Variants in THEMIS observed in about 807,000 individuals in gnomAD.
THEMIS encodes the protein thymocyte selection associated, also known as protein THEMIS.
A neutral mutation model predicts 52.6 loss-of-function variants in THEMIS; 37 were observed. That is an observed-to-expected ratio of 0.70 (90% CI 0.54 to 0.93). The LOEUF is 0.93. THEMIS is among the 40% of genes least tolerant of loss of function. The pLI is 0.00. For synonymous variants in THEMIS, 292 were observed against 272.7 expected (o/e 1.07, Z -0.70); for missense variants, 808 against 763.1 (o/e 1.06, Z -0.69).
At chr6:127,699,364 ATT>A in the THEMIS span, among the ~76,000 whole-genome samples, 1 of 151,248 alleles carries the variant, frequency 6.6e-6, no homozygotes, top group East Asian at 1.9e-4. Flanking sequence ...ACATTATTTA[ATT>A]AAGTAACATC....
At chr6:127,883,986 G>T (rs9375538) in intron 1 of THEMIS, among the ~76,000 whole-genome samples, 1 of 151,942 alleles carries the variant, frequency 6.6e-6, no homozygotes, top group East Asian at 1.9e-4. Context: ...CACACTGCCC[G>T]GTCCATAGCA....
At chr6:127,728,041 C>T (rs1162239306) in intron 4 of THEMIS, among the ~76,000 whole-genome samples, 2 of 152,162 alleles carry the variant, frequency 1.3e-5, no homozygotes, top group Non-Finnish European at 2.9e-5. Context: ...CCATTTTGCT[C>T]AGAATGGCCT....
chr6:127,900,976 T>C lies in THEMIS; in HGVS notation c.-44A>G. 6.6e-7 allele frequency: 1 copy of C among 1,516,390 alleles called. No homozygotes were observed. The allele number at this position is 1,516,390 out of a possible 1,614,324, so 93.9% of individuals were successfully genotyped here. ...TTGTAGACCTGGTGCTCACAGAAAC[T>C]TGTGGCTTCTGGGTGACACTTGTCT... is the stretch of plus-strand genomic sequence containing the variant. On this transcript the variant is annotated 5_prime_UTR_variant, in exon 1 of 6. Coordinates refer to ENST00000368248, the MANE Select transcript of THEMIS (RefSeq NM_001010923.3).
intron 4 of THEMIS, among the ~76,000 whole-genome samples, chr6:127,749,506 T>C (rs1583230189): frequency 1.3e-5 from 2 of 152,124 alleles, no homozygotes; most frequent in African/African-American, 4.8e-5. Context: ...ACATTTTCAT[T>C]TCTCCTTTAC....
At chr6:127,801,742 T>A (rs1256891091) in intron 4 of THEMIS, among the ~76,000 whole-genome samples, 1 of 152,078 alleles carries the variant, frequency 6.6e-6, no homozygotes, top group Non-Finnish European at 1.5e-5. Flanking sequence ...CCAGGCAAGA[T>A]AATGTTGATT....
chr6:127,871,230 A>T (rs568557326), intron 1 of THEMIS, among the ~76,000 whole-genome samples: 2 of 152,192 alleles, frequency 1.3e-5, no homozygotes, highest in South Asian at 2.1e-4. Flanking sequence ...CAAATAATCC[A>T]TGAGGCAAAA....
chr6:127,891,984 C>A (rs1309492620), intron 1 of THEMIS, among the ~76,000 whole-genome samples: 2 of 152,196 alleles, frequency 1.3e-5, no homozygotes, highest in African/African-American at 4.8e-5. Context: ...GAACCTAGAT[C>A]TTTCCTTGGC....
At chr6:127,718,115 G>T (rs1451101774) in intron 5 of THEMIS, among the ~76,000 whole-genome samples, 1 of 151,412 alleles carries the variant, frequency 6.6e-6, no homozygotes, top group Non-Finnish European at 1.5e-5. Flanking sequence ...TTATATTTTT[G>T]CTCTACTTTT....
chr6:127,820,178 G>T (rs1778289023), intron 3 of THEMIS, among the ~76,000 whole-genome samples: 1 of 152,004 alleles, frequency 6.6e-6, no homozygotes, highest in Non-Finnish European at 1.5e-5. Context: ...TAAGAGAAAA[G>T]AGAAAGTGGA....
chr6:127,854,141 G>C (rs1779521378), intron 2 of THEMIS, among the ~76,000 whole-genome samples: 1 of 151,750 alleles, frequency 6.6e-6, no homozygotes, highest in Non-Finnish European at 1.5e-5. Context: ...CATATTTTAT[G>C]TCAAGGAGTT....
In THEMIS at chr6:127,758,514, T is replaced by A. The variant is rs75224818; in HGVS notation, c.1759-38691A>T. 3.8e-3 allele frequency among the ~76,000 whole-genome samples: 569 copies of A among 149,908 alleles called. 22 individuals carry two copies. In the East Asian group the frequency reaches 0.08, roughly 21 times the overall value. Reference sequence around the variant, plus strand: ...ATGCCTCATAGGTGCCCAATACATATTTCTTGAATGAAATATGTCTTGAAT... The same window carrying A: ...ATGCCTCATAGGTGCCCAATACATAATTCTTGAATGAAATATGTCTTGAAT... On this transcript the variant is annotated intron_variant, in intron 4 of 5. Transcript: ENST00000368248.
At chr6:127,895,951 C>A (rs761060782) in intron 1 of THEMIS, among the ~76,000 whole-genome samples, 1 of 150,908 alleles carries the variant, frequency 6.6e-6, no homozygotes, top group African/African-American at 2.4e-5. Flanking sequence ...AAAAGAGATA[C>A]AAACATTCTA....
At chr6:127,868,056 C>T (rs1464951314) in intron 1 of THEMIS, among the ~76,000 whole-genome samples, 1 of 152,022 alleles carries the variant, frequency 6.6e-6, no homozygotes, top group Non-Finnish European at 1.5e-5. Flanking sequence ...AGATTTGTGA[C>T]CTCAGGTAAT....
At chr6:127,903,891 G>A (rs1298152920), upstream of THEMIS, among the ~76,000 whole-genome samples, 6 of 152,050 alleles carry the variant, frequency 3.9e-5, no homozygotes, top group Non-Finnish European at 1.5e-5. Flanking sequence ...ACCTAGAAGA[G>A]CTGTATACTT....
intron 1 of THEMIS, among the ~76,000 whole-genome samples, chr6:127,907,252 G>A (rs560351206): frequency 1.4e-5 from 2 of 147,408 alleles, no homozygotes; most frequent in African/African-American, 2.5e-5. Context: ...TTATTGGTTC[G>A]TCATTGAAAG....
intron 1 of THEMIS, among the ~76,000 whole-genome samples, chr6:127,878,267 C>G (rs1328532355): frequency 2.6e-5 from 4 of 152,138 alleles, no homozygotes; most frequent in African/African-American, 9.7e-5. Context: ...AGCTCAGCAG[C>G]TGATTCAAAA....
chr6:127,878,306 G>T (rs917216510), intron 1 of THEMIS, among the ~76,000 whole-genome samples: 5 of 152,278 alleles, frequency 3.3e-5, no homozygotes, highest in African/African-American at 1.2e-4. Flanking sequence ...CTAACTAGAA[G>T]GGTAGCTGAA....
intron 4 of THEMIS, among the ~76,000 whole-genome samples, chr6:127,773,543 A>G (rs1398239802): frequency 6.6e-6 from 1 of 152,210 alleles, no homozygotes; most frequent in Non-Finnish European, 1.5e-5. Context: ...GATTTTAAAA[A>G]TATATTTTCA....
chr6:127,701,534 A>G, the THEMIS span, among the ~76,000 whole-genome samples: 2 of 152,044 alleles, frequency 1.3e-5, no homozygotes, highest in Non-Finnish European at 2.9e-5. Context: ...AAATTAGTTT[A>G]TATTTGGTTT....
Sources: gnomAD v4.1 joint callset for allele counts (sites outside exome capture counted in the v4.1 genomes callset) on GRCh38, gnomAD v4.1.1 for gene constraint, MANE v1.5 for transcripts, NCBI Gene and HGNC (gene_info 2026-07-23, HGNC 2026-07-21) for gene names.